The following CYSLTR2 variants were observed in gnomAD, a reference collection of about 807,000 sequenced individuals.
CYSLTR2 encodes the protein cysteinyl leukotriene receptor 2.
For missense variants in CYSLTR2, 398 were observed against 411.9 expected, an observed-to-expected ratio of 0.97 and a Z score of 0.29; for synonymous variants, 179 against 160.8, an observed-to-expected ratio of 1.11 and a Z score of -0.86.
At chr13:48,700,706 A>G (rs1954318244) in intron 4 of CYSLTR2, among the ~76,000 whole-genome samples, 1 of 152,232 alleles carries the variant, frequency 6.6e-6, no homozygotes, top group Non-Finnish European at 1.5e-5. Context: ...GTATTAAATT[A>G]GGAAAAGAGG....
At chr13:48,684,116 G>C (rs928280387) in intron 1 of CYSLTR2, among the ~76,000 whole-genome samples, 1 of 151,458 alleles carries the variant, frequency 6.6e-6, no homozygotes, top group Non-Finnish European at 1.5e-5. Context: ...TAGAGATCGG[G>C]GGGGGTCTCA....
intron 2 of CYSLTR2, among the ~76,000 whole-genome samples, chr13:48,692,494 A>G (rs1954063935): frequency 6.6e-6 from 1 of 150,952 alleles, no homozygotes; most frequent in African/African-American, 2.4e-5. Flanking sequence ...ATACAAATAG[A>G]AAATACATTT....
In CYSLTR2 at chr13:48,683,971, T is replaced by C. The variant is rs990446953; in HGVS notation, c.-265-7241T>C. ...TCTCACTCTGTCATCCAGACTGAAG[T>C]ATAGTGGCATGAGCATACCTCATTG... On this transcript the variant is annotated intron_variant, in intron 1 of 4. Transcript: ENST00000682523. Among the ~76,000 whole-genome samples, 33 of 152,188 alleles carry C rather than the reference T, an allele frequency of 2.2e-4. 1 individual carries two copies. Among genetic ancestry groups the C allele is most frequent in the Admixed American group, 2.0e-3 (31 of 15,266 alleles).
At chr13:48,690,845 G>A (rs1313908840) in intron 1 of CYSLTR2, among the ~76,000 whole-genome samples, 1 of 152,058 alleles carries the variant, frequency 6.6e-6, no homozygotes. Flanking sequence ...GCTCTTCTTT[G>A]TACCTCTGGT....
chr13:48,665,370 T>C (rs924374857), intron 1 of CYSLTR2, among the ~76,000 whole-genome samples: 1 of 152,122 alleles, frequency 6.6e-6, no homozygotes, highest in Non-Finnish European at 1.5e-5. Flanking sequence ...TGTTTCTTTG[T>C]TGATTTCCTG....
chr13:48,679,531 A>G (rs1202511932), intron 1 of CYSLTR2, among the ~76,000 whole-genome samples: 13 of 152,336 alleles, frequency 8.5e-5, no homozygotes, highest in African/African-American at 3.1e-4. Flanking sequence ...TTGGGCACAC[A>G]AGCTATTCCA....
intron 1 of CYSLTR2, among the ~76,000 whole-genome samples, chr13:48,670,770 T>C (rs1354231903): frequency 6.6e-6 from 1 of 152,238 alleles, no homozygotes; most frequent in Non-Finnish European, 1.5e-5. Flanking sequence ...GGCTCTTTTA[T>C]GGCTCCATCT....
At chr13:48,694,252 C>T (rs1012218797) in intron 3 of CYSLTR2, among the ~76,000 whole-genome samples, 5 of 152,170 alleles carry the variant, frequency 3.3e-5, no homozygotes, top group African/African-American at 7.2e-5. Flanking sequence ...GGTGACCTGA[C>T]GCAAAGTTTA....
In CYSLTR2 at chr13:48,709,040, T is replaced by A. The variant is rs1479613914; in HGVS notation, c.*1182T>A. 6.0e-6 allele frequency: 1 copy of A among 167,060 alleles called. No homozygotes were observed. The highest frequency in any genetic ancestry group is 1.9e-4 in the East Asian group (1 of 5,204). The allele number at this position is 167,060 out of a possible 1,614,324, so 10.3% of individuals were successfully genotyped here. On this transcript the variant is annotated 3_prime_UTR_variant, in exon 5 of 5. Transcript: ENST00000682523. ...TTGACATTCACACCAAAGCTCTGAG[T>A]TCCATTTTACAGCTGAAGAAATTGA...
At chr13:48,689,618 G>GT (rs1044949134) in intron 1 of CYSLTR2, among the ~76,000 whole-genome samples, 24 of 152,230 alleles carry the variant, frequency 1.6e-4, no homozygotes, top group African/African-American at 5.8e-4. Context: ...CTATATATCT[G>GT]TTTTTGTGCC....
rs1264084859 is a variant in CYSLTR2 at position 48,708,620 on chromosome 13, A to G, written c.*762A>G. 6.0e-6 allele frequency: 1 copy of G among 167,092 alleles called. No individual in the cohort carries two copies. 10.4% of individuals were successfully genotyped at this position (167,092 alleles called of 1,614,324 possible). ...GGAAGGGGGATCATCAAGGACATGT[A>G]TCTCAAATTTTCTTTGAGATGCAGG... On this transcript the variant is annotated 3_prime_UTR_variant, in exon 5 of 5. Transcript: ENST00000682523.
chr13:48,657,674 G>T (rs907091781), intron 1 of CYSLTR2, among the ~76,000 whole-genome samples: 1 of 151,662 alleles, frequency 6.6e-6, no homozygotes, highest in African/African-American at 2.4e-5. Flanking sequence ...TTATAAAAAA[G>T]ATAATTTCCC....
Position 48,707,443 on chromosome 13 carries a change from G to A in CYSLTR2, c.626G>A (p.Gly209Asp), listed in dbSNP as rs760550356. 3 of 1,613,912 alleles carry A rather than the reference G, an allele frequency of 1.9e-6. No individual in the cohort carries two copies. The highest frequency in any genetic ancestry group is 1.7e-5 in the Admixed American group (1 of 60,024). The change falls in exon 5 of 5, where the codon GGC (glycine) becomes GAC (aspartate). Residue 209 changes from glycine to aspartate, a missense_variant. Transcript: ENST00000682523. ...QTMNYIALVV[G>D]CLLPFFTLSI... ...ATGAACTATATTGCCTTGGTGGTGG[G>A]CTGCCTGCTGCCATTTTTCACACTC...
At chr13:48,675,209 G>A (rs1192100529) in intron 1 of CYSLTR2, among the ~76,000 whole-genome samples, 1 of 152,204 alleles carries the variant, frequency 6.6e-6, no homozygotes, top group Admixed American at 6.5e-5. Flanking sequence ...CTGGCAGGCA[G>A]GAACGTTTAA....
chr13:48,686,720 C>T (rs765965941), intron 1 of CYSLTR2, among the ~76,000 whole-genome samples: 9 of 152,152 alleles, frequency 5.9e-5, no homozygotes, highest in Non-Finnish European at 8.8e-5. Context: ...TGTTATTATC[C>T]GTGACAACTT....
At chr13:48,704,380 G>C (rs1290666569) in intron 4 of CYSLTR2, among the ~76,000 whole-genome samples, 1 of 152,068 alleles carries the variant, frequency 6.6e-6, no homozygotes, top group African/African-American at 2.4e-5. Context: ...AAATAGCTGG[G>C]CATGGTGGCA....
At chr13:48,668,313 G>T (rs1953320882) in intron 1 of CYSLTR2, among the ~76,000 whole-genome samples, 1 of 152,098 alleles carries the variant, frequency 6.6e-6, no homozygotes, top group South Asian at 2.1e-4. Flanking sequence ...GTTGAAGAAG[G>T]TTATTTGGAT....
intron 1 of CYSLTR2, among the ~76,000 whole-genome samples, chr13:48,688,546 T>C (rs1306205034): frequency 6.6e-6 from 1 of 152,226 alleles, no homozygotes; most frequent in Non-Finnish European, 1.5e-5. Context: ...CTGAGAATGA[T>C]GGTTTCCAGC....
chr13:48,655,149 C>T (rs757809673), intron 1 of CYSLTR2, among the ~76,000 whole-genome samples: 41 of 152,118 alleles, frequency 2.7e-4, no homozygotes, highest in Non-Finnish European at 5.1e-4. Flanking sequence ...GATTTGTTTC[C>T]AGTGCTTCGG....
Sources: gnomAD v4.1 joint callset for allele counts (sites outside exome capture counted in the v4.1 genomes callset) on GRCh38, gnomAD v4.1.1 for gene constraint, MANE v1.5 for transcripts, NCBI Gene and HGNC (gene_info 2026-07-23, HGNC 2026-07-21) for gene names.